Variants in SDK1 observed in about 807,000 individuals in gnomAD.
The protein encoded by SDK1 is protein sidekick-1.
Under a neutral mutation model 245.5 loss-of-function variants are expected in SDK1, and 157 were observed. The ratio of observed to expected loss-of-function variants is 0.64; its 90% CI spans 0.56 to 0.73. The LOEUF is 0.73. Among genes scored for constraint, SDK1 ranks in the 30% least tolerant of loss-of-function variants. The pLI is 0.00. For missense variants in SDK1, 3,583 were observed against 3,002.3 expected (o/e 1.19, Z -4.52); for synonymous variants, 1,647 against 1,278.5 (o/e 1.29, Z -6.15).
At chr7:3,916,972 T>G (rs1234726663) in intron 5 of SDK1, among the ~76,000 whole-genome samples, 1 of 152,234 alleles carries the variant, frequency 6.6e-6, no homozygotes, top group South Asian at 2.1e-4. Context: ...TGCCTGACAT[T>G]TCACCATTTT....
chr7:3,581,007 C>T (rs571079422), intron 1 of SDK1, among the ~76,000 whole-genome samples: 6 of 116,788 alleles, frequency 5.1e-5, no homozygotes, highest in Middle Eastern at 5.1e-3. Context: ...AAAACAAAAC[C>T]CTGGAAGACA....
intron 28 of SDK1, among the ~76,000 whole-genome samples, chr7:4,141,279 C>T (rs535201617): frequency 1.1e-3 from 166 of 152,328 alleles, no homozygotes; most frequent in Middle Eastern, 6.8e-3. Flanking sequence ...AAAGGAGGGT[C>T]TGTAAGCAAA....
intron 4 of SDK1, among the ~76,000 whole-genome samples, chr7:3,756,672 TG>T (rs1184245091): frequency 6.6e-6 from 1 of 152,178 alleles, no homozygotes; most frequent in Non-Finnish European, 1.5e-5. Context: ...CATGTCTTCT[TG>T]GTCTCCTCCA....
At chr7:3,831,831 G>A (rs373687388) in intron 5 of SDK1, among the ~76,000 whole-genome samples, 5 of 151,988 alleles carry the variant, frequency 3.3e-5, no homozygotes, top group East Asian at 1.9e-4. Context: ...AGCATTGCTC[G>A]AGCCCAGGAG....
intron 1 of SDK1, among the ~76,000 whole-genome samples, chr7:3,399,017 C>T (rs914286571): frequency 7.9e-5 from 12 of 152,100 alleles, no homozygotes; most frequent in Admixed American, 2.0e-4. Flanking sequence ...GAGCTCTTTA[C>T]ATGTTGCAAC....
At chr7:3,612,754 T>A (rs936549335) in intron 1 of SDK1, among the ~76,000 whole-genome samples, 13 of 152,168 alleles carry the variant, frequency 8.5e-5, no homozygotes, top group Non-Finnish European at 1.9e-4. Context: ...CGGAGTTCAG[T>A]AATAACCTGC....
chr7:3,766,975 TAG>T (rs1451906516), intron 4 of SDK1, among the ~76,000 whole-genome samples: 2 of 152,210 alleles, frequency 1.3e-5, no homozygotes, highest in Non-Finnish European at 2.9e-5. Flanking sequence ...TGGGTTTTCG[TAG>T]CTATTTGGAT....
At chr7:3,745,091 C>G (rs1271725266) in intron 4 of SDK1, among the ~76,000 whole-genome samples, 1 of 152,126 alleles carries the variant, frequency 6.6e-6, no homozygotes, top group African/African-American at 2.4e-5. Context: ...CTCCAAGTTC[C>G]CTGCCATTGC....
At chr7:3,954,193 C>T (rs1583622777) in intron 7 of SDK1, among the ~76,000 whole-genome samples, 1 of 151,628 alleles carries the variant, frequency 6.6e-6, no homozygotes, top group East Asian at 1.9e-4. Flanking sequence ...CACCACCCCG[C>T]CACTGGCTGC....
At chr7:3,381,665 A>G (rs1489678192) in intron 1 of SDK1, among the ~76,000 whole-genome samples, 2 of 152,168 alleles carry the variant, frequency 1.3e-5, no homozygotes, top group Non-Finnish European at 2.9e-5. Flanking sequence ...CGGAGGTGGA[A>G]GGGGTTGAGA....
At chr7:3,328,909 A>C (rs1167521716) in intron 1 of SDK1, among the ~76,000 whole-genome samples, 1 of 152,122 alleles carries the variant, frequency 6.6e-6, no homozygotes, top group Non-Finnish European at 1.5e-5. Context: ...GCAGTTTGAC[A>C]TATTTTTCTA....
At chr7:3,677,548 TG>T (rs1783944336) in intron 4 of SDK1, among the ~76,000 whole-genome samples, 1 of 152,178 alleles carries the variant, frequency 6.6e-6, no homozygotes, top group Admixed American at 6.5e-5. Context: ...AAGAATGGTA[TG>T]GGGGAAACCA....
intron 22 of SDK1, among the ~76,000 whole-genome samples, chr7:4,088,686 C>A (rs992731776): frequency 1.2e-4 from 18 of 152,054 alleles, no homozygotes; most frequent in African/African-American, 3.6e-4. Context: ...TTTCACTATT[C>A]CGGAGCTCCT....
chr7:3,938,921 T>G (rs1472740439), intron 5 of SDK1, among the ~76,000 whole-genome samples: 1 of 152,232 alleles, frequency 6.6e-6, no homozygotes, highest in Non-Finnish European at 1.5e-5. Flanking sequence ...TTTCCAAATG[T>G]GTAACTTTTC....
intron 5 of SDK1, among the ~76,000 whole-genome samples, chr7:3,909,800 G>C (rs911282604): frequency 6.6e-6 from 1 of 152,198 alleles, no homozygotes; most frequent in Non-Finnish European, 1.5e-5. Context: ...TAGCGTGCTT[G>C]CCTAAAGCGA....
At chr7:4,252,036 T>A (rs753944550) in intron 44 of SDK1, among the ~76,000 whole-genome samples, 1 of 152,254 alleles carries the variant, frequency 6.6e-6, no homozygotes, top group Non-Finnish European at 1.5e-5. Context: ...TAAATGCCCA[T>A]TGTTCATAGT....
At chr7:3,635,629 T>C (rs900236905) in intron 2 of SDK1, among the ~76,000 whole-genome samples, 3 of 152,210 alleles carry the variant, frequency 2.0e-5, no homozygotes, top group Non-Finnish European at 4.4e-5. Flanking sequence ...GGAACATCTT[T>C]TTGGGTGGGT....
At chr7:4,009,437 A>G (rs1583816092) in intron 14 of SDK1, among the ~76,000 whole-genome samples, 1 of 152,186 alleles carries the variant, frequency 6.6e-6, no homozygotes, top group Non-Finnish European at 1.5e-5. Flanking sequence ...ATACAAGTGG[A>G]AGGGTTTTAG....
At chr7:3,797,795 C>A (rs990524232) in intron 4 of SDK1, among the ~76,000 whole-genome samples, 1 of 152,060 alleles carries the variant, frequency 6.6e-6, no homozygotes, top group Non-Finnish European at 1.5e-5. Flanking sequence ...TGTTTCTCTC[C>A]TGTTGATTTC....
Sources: gnomAD v4.1 joint callset for allele counts (sites outside exome capture counted in the v4.1 genomes callset) on GRCh38, gnomAD v4.1.1 for gene constraint, MANE v1.5 for transcripts, NCBI Gene and HGNC (gene_info 2026-07-23, HGNC 2026-07-21) for gene names.